The following XYLT1 variants were observed in gnomAD, a reference collection of about 807,000 sequenced individuals.
The protein encoded by XYLT1 is xylosyltransferase 1.
Under a neutral mutation model 91.3 loss-of-function variants are expected in XYLT1, and 36 were observed. The observed-to-expected ratio is 0.39, with a 90% CI of 0.30 to 0.52. The LOEUF (loss-of-function observed/expected upper bound fraction) is 0.52, where lower values mean the gene tolerates loss of function less well. Among genes scored for constraint, XYLT1 ranks in the 20% least tolerant of loss-of-function variants. The pLI is 0.68. For synonymous variants in XYLT1, 588 were observed against 532.0 expected (o/e 1.11, Z -1.45); for missense variants, 1,242 against 1,284.5 (o/e 0.97, Z 0.51).
intron 6 of XYLT1, among the ~76,000 whole-genome samples, chr16:17,156,364 C>A (rs1412489854): frequency 6.6e-6 from 1 of 152,216 alleles, no homozygotes; most frequent in Non-Finnish European, 1.5e-5. Context: ...TCTCGAGACA[C>A]AACTTTGCAC....
intron 1 of XYLT1, among the ~76,000 whole-genome samples, chr16:17,359,937 G>C (rs1037101932): frequency 6.6e-6 from 1 of 152,102 alleles, no homozygotes; most frequent in African/African-American, 2.4e-5. Flanking sequence ...TTTTGTCTTT[G>C]GGAAGCAAGA....
intron 2 of XYLT1, among the ~76,000 whole-genome samples, chr16:17,329,045 A>G (rs985582088): frequency 3.3e-5 from 5 of 152,178 alleles, no homozygotes; most frequent in African/African-American, 1.2e-4. Flanking sequence ...TTTTTCAGTA[A>G]AGGGTCAGAC....
intron 5 of XYLT1, among the ~76,000 whole-genome samples, chr16:17,160,519 C>T (rs1343789183): frequency 2.0e-5 from 3 of 152,204 alleles, no homozygotes; most frequent in Admixed American, 2.0e-4. Flanking sequence ...CTGCTCGTGT[C>T]CCATCCTATT....
At chr16:17,168,314 A>T (rs2031746492) in intron 5 of XYLT1, among the ~76,000 whole-genome samples, 1 of 152,238 alleles carries the variant, frequency 6.6e-6, no homozygotes. Flanking sequence ...GATGGAGGCC[A>T]CTGTCCTAAG....
intron 2 of XYLT1, among the ~76,000 whole-genome samples, chr16:17,323,820 A>G (rs537182260): frequency 2.6e-5 from 4 of 152,234 alleles, no homozygotes; most frequent in African/African-American, 9.6e-5. Flanking sequence ...GTCTGATCAG[A>G]CTCTGCTCTC....
chr16:17,164,398 C>T (rs2031630773), intron 5 of XYLT1, among the ~76,000 whole-genome samples: 1 of 151,954 alleles, frequency 6.6e-6, no homozygotes, highest in African/African-American at 2.4e-5. Context: ...CCATCTTAAC[C>T]ATTTTTCAGT....
intron 3 of XYLT1, among the ~76,000 whole-genome samples, chr16:17,249,109 T>C (rs905544332): frequency 6.6e-6 from 1 of 152,190 alleles, no homozygotes; most frequent in Non-Finnish European, 1.5e-5. Flanking sequence ...GGATTCTATC[T>C]GCTTTCCTCC....
intron 1 of XYLT1, among the ~76,000 whole-genome samples, chr16:17,425,219 G>C (rs1248707449): frequency 6.6e-6 from 1 of 152,178 alleles, no homozygotes; most frequent in Non-Finnish European, 1.5e-5. Flanking sequence ...CTCAGCGCTT[G>C]CAATTCCCCC....
chr16:17,379,369 C>T (rs770864692), intron 1 of XYLT1, among the ~76,000 whole-genome samples: 6 of 152,222 alleles, frequency 3.9e-5, no homozygotes, highest in Admixed American at 3.9e-4. Context: ...ATCTGACAGG[C>T]GGCTTTAAAT....
chr16:17,123,530 G>A (rs1021068617), intron 10 of XYLT1, among the ~76,000 whole-genome samples: 2 of 152,192 alleles, frequency 1.3e-5, no homozygotes, highest in African/African-American at 4.8e-5. Context: ...ACTGTGGTCT[G>A]AGAGAGTATG....
At chr16:17,303,531 G>A (rs560066237) in intron 2 of XYLT1, among the ~76,000 whole-genome samples, 22 of 152,302 alleles carry the variant, frequency 1.4e-4, no homozygotes, top group Admixed American at 2.6e-4. Flanking sequence ...GCCCCCGTGA[G>A]TCCCCAGTTT....
chr16:17,137,136 G>A (rs924561242), intron 8 of XYLT1, among the ~76,000 whole-genome samples: 4 of 152,078 alleles, frequency 2.6e-5, no homozygotes, highest in East Asian at 3.9e-4. Context: ...AGGGGAATAC[G>A]AACGACAGAA....
At chr16:17,148,955 T>A (rs953405270) in intron 6 of XYLT1, among the ~76,000 whole-genome samples, 1 of 152,242 alleles carries the variant, frequency 6.6e-6, no homozygotes, top group Admixed American at 6.5e-5. Context: ...CAGTTTTACT[T>A]CCTAGGCTAT....
intron 3 of XYLT1, among the ~76,000 whole-genome samples, chr16:17,252,777 A>AAC: frequency 6.6e-6 from 1 of 152,268 alleles, no homozygotes; most frequent in South Asian, 2.1e-4. Flanking sequence ...TACCAAAGTC[A>AAC]ACATTTAAAA....
intron 1 of XYLT1, among the ~76,000 whole-genome samples, chr16:17,414,272 G>A (rs548074712): frequency 5.3e-5 from 8 of 152,174 alleles, no homozygotes; most frequent in African/African-American, 1.9e-4. Flanking sequence ...ATTTGACCTC[G>A]CTGTGTTGTC....
intron 5 of XYLT1, among the ~76,000 whole-genome samples, chr16:17,180,568 C>T (rs891713534): frequency 6.6e-5 from 10 of 152,228 alleles, no homozygotes; most frequent in South Asian, 2.1e-4. Context: ...ACATAGGAGA[C>T]GGGTGATGGC....
chr16:17,466,004 A>T (rs1396415599), intron 1 of XYLT1, among the ~76,000 whole-genome samples: 1 of 152,190 alleles, frequency 6.6e-6, no homozygotes, highest in African/African-American at 2.4e-5. Context: ...TACTCAACAG[A>T]GGCCTCTTTC....
rs73523034 is a variant in XYLT1, at chr16:17,340,973, T to A, written c.402+17039A>T. On this transcript the variant is annotated intron_variant, in intron 2 of 11. Transcript: ENST00000261381. ...CAAGGCAGCAAGATACTGTTTTTAC[T>A]CATTGGTTTGTCGAAGATTATAAAG... is the stretch of plus-strand genomic sequence containing the variant. Among the ~76,000 whole-genome samples the A allele has an allele frequency of 9.3e-3, 1,411 of 152,338 alleles. 21 individuals are homozygous for A. The highest frequency in any genetic ancestry group is 0.033 in the African/African-American group (1,354 of 41,566).
intron 5 of XYLT1, among the ~76,000 whole-genome samples, chr16:17,197,259 T>C (rs2032448133): frequency 6.6e-6 from 1 of 152,030 alleles, no homozygotes; most frequent in African/African-American, 2.4e-5. Flanking sequence ...GCCCCTGCCT[T>C]TGCCCCTGCC....
Sources: gnomAD v4.1 joint callset for allele counts (sites outside exome capture counted in the v4.1 genomes callset) on GRCh38, gnomAD v4.1.1 for gene constraint, MANE v1.5 for transcripts, NCBI Gene and HGNC (gene_info 2026-07-23, HGNC 2026-07-21) for gene names.